The following PRKN variants were observed in gnomAD, a reference collection of about 807,000 sequenced individuals.
The protein encoded by PRKN is E3 ubiquitin-protein ligase parkin.
PRKN carries 56 observed loss-of-function variants against 59.5 expected under a neutral mutation model. The ratio of observed to expected loss-of-function variants is 0.94; its 90% confidence interval spans 0.76 to 1.18. The LOEUF (loss-of-function observed/expected upper bound fraction) is 1.18, where lower values mean the gene tolerates loss of function less well. PRKN is among the 50% of genes most tolerant of loss of function. The probability of loss-of-function intolerance (pLI) is 0.00; values close to 1 mark genes in which losing one functional copy is unlikely to be tolerated. For missense variants in PRKN, 657 were observed against 596.4 expected, an observed-to-expected ratio of 1.10 and a Z score of -1.06; for synonymous variants, 250 against 222.1, an observed-to-expected ratio of 1.13 and a Z score of -1.12.
At chr6:161,490,881 T>C (rs1777531171) in intron 9 of PRKN, among the ~76,000 whole-genome samples, 1 of 152,014 alleles carries the variant, frequency 6.6e-6, no homozygotes, top group Non-Finnish European at 1.5e-5. Flanking sequence ...TGTTTAAAAG[T>C]GTGGTATCTC....
At chr6:162,270,581 A>G (rs1254783370) in intron 2 of PRKN, 1 of 152,194 alleles carries the variant, frequency 6.6e-6, no homozygotes, top group Non-Finnish European at 1.5e-5. Flanking sequence ...AAGACTGAAC[A>G]TTTCTGATTT....
chr6:161,505,912 TGTTTTG>T (rs1212191978), intron 9 of PRKN, among the ~76,000 whole-genome samples: 4 of 151,550 alleles, frequency 2.6e-5, no homozygotes, highest in African/African-American at 9.7e-5. Context: ...AGTACCATGC[TGTTTTG>T]GTTACTGTAG....
At chr6:162,418,432 G>A (rs1054758079) in intron 2 of PRKN, among the ~76,000 whole-genome samples, 4 of 151,976 alleles carry the variant, frequency 2.6e-5, no homozygotes, top group Non-Finnish European at 4.4e-5. Context: ...GAGTGAAAAC[G>A]CTCCCAAGAT....
At position 161,525,513 on chromosome 6, in the gene PRKN, T is replaced by A. The variant is rs972577310; in HGVS notation, c.1083+23341A>T. 3.3e-5 allele frequency among the ~76,000 whole-genome samples: 5 copies of A among 152,136 alleles called. No individual in the cohort carries two copies. Among genetic ancestry groups the A allele is most frequent in the African/African-American group, 9.7e-5 (4 of 41,430 alleles). On this transcript the variant is annotated intron_variant, in intron 9 of 11. Transcript: ENST00000366898. The surrounding 1 kb of genome is among the most constrained non-coding windows in gnomAD (Gnocchi z 4.7). Reference sequence around the variant, plus strand: ...GGAGCAGGAGAACTGTGGTGCTGCATGAATTTAAGGGATGTTTTTATTATA... The same window carrying A: ...GGAGCAGGAGAACTGTGGTGCTGCAAGAATTTAAGGGATGTTTTTATTATA...
rs542547740 is a variant in PRKN, at chr6:162,370,419, C to T, written c.171+72891G>A. On this transcript the variant is annotated intron_variant, in intron 2 of 11. Coordinates refer to ENST00000366898, the MANE Select transcript of PRKN (RefSeq NM_004562.3). Reference sequence around the variant, plus strand: ...AAACCAAGGATGTTGTATAAATATTCGTCCTTGTGTCACTATTTTATTGGC... The same window carrying T: ...AAACCAAGGATGTTGTATAAATATTTGTCCTTGTGTCACTATTTTATTGGC... 3.0e-4 allele frequency among the ~76,000 whole-genome samples: 46 copies of T among 152,236 alleles called. No individual in the cohort carries two copies. In the South Asian group the frequency reaches 8.5e-3, roughly 28 times the overall value.
At chr6:161,796,520 T>C (rs990845240) in intron 6 of PRKN, among the ~76,000 whole-genome samples, 6 of 152,136 alleles carry the variant, frequency 3.9e-5, no homozygotes, top group Non-Finnish European at 8.8e-5. Flanking sequence ...AATTGTTGCG[T>C]GTAAAAAGAA....
At chr6:162,425,586 C>T (rs575863060) in intron 2 of PRKN, among the ~76,000 whole-genome samples, 1 of 152,262 alleles carries the variant, frequency 6.6e-6, no homozygotes, top group South Asian at 2.1e-4. Context: ...AATGAAATAT[C>T]CATTCTTTGA....
chr6:162,697,625 C>G (rs536118633), intron 1 of PRKN, among the ~76,000 whole-genome samples: 1 of 151,986 alleles, frequency 6.6e-6, no homozygotes, highest in Non-Finnish European at 1.5e-5. Context: ...TATGCTATGG[C>G]GTCAAAAGTT....
chr6:161,404,095 G>C (rs1787162646), intron 9 of PRKN, among the ~76,000 whole-genome samples: 1 of 152,072 alleles, frequency 6.6e-6, no homozygotes, highest in Admixed American at 6.6e-5. Context: ...CCCCAGGCCT[G>C]GGTTTGCTGT....
intron 6 of PRKN, among the ~76,000 whole-genome samples, chr6:161,958,187 T>C (rs1450411061): frequency 6.6e-6 from 1 of 152,208 alleles, no homozygotes; most frequent in Non-Finnish European, 1.5e-5. Flanking sequence ...CTTGCATTTA[T>C]TTTAAAAACT....
At chr6:162,704,635 T>C (rs1012988760) in intron 1 of PRKN, among the ~76,000 whole-genome samples, 1 of 152,196 alleles carries the variant, frequency 6.6e-6, no homozygotes, top group African/African-American at 2.4e-5. Context: ...TTTTAGTTAA[T>C]GTTACAATTT....
At chr6:161,745,148 G>T (rs146101858) in intron 7 of PRKN, among the ~76,000 whole-genome samples, 1 of 152,296 alleles carries the variant, frequency 6.6e-6, no homozygotes. Context: ...CTATAATATA[G>T]AAGTTACATT....
intron 9 of PRKN, among the ~76,000 whole-genome samples, chr6:161,464,939 T>C (rs1432463312): frequency 6.6e-6 from 1 of 152,200 alleles, no homozygotes; most frequent in Non-Finnish European, 1.5e-5. Context: ...AAATATCTCC[T>C]TGGAAGCCTT....
Position 161,448,785 on chromosome 6 carries a change from C to G in PRKN, c.1084-61908G>C, listed in dbSNP as rs1789603788. On this transcript the variant is annotated intron_variant, in intron 9 of 11. Coordinates refer to ENST00000366898, the MANE Select transcript of PRKN (RefSeq NM_004562.3). The surrounding 1 kb of genome is among the most constrained non-coding windows in gnomAD (Gnocchi z 5.1). ...ACAGGAGCATTAGCTGTTCCTCTACCCTTTCGTTTCTTTGCTGGACAATCC... is the reference window on the plus strand; with the variant it reads ...ACAGGAGCATTAGCTGTTCCTCTACGCTTTCGTTTCTTTGCTGGACAATCC... Among the ~76,000 whole-genome samples the G allele has an allele frequency of 6.6e-6, 1 of 152,190 alleles. No homozygotes were observed. Among genetic ancestry groups the G allele is most frequent in the African/African-American group, 2.4e-5 (1 of 41,450 alleles).
intron 7 of PRKN, among the ~76,000 whole-genome samples, chr6:161,721,627 G>T (rs746195540): frequency 5.3e-5 from 8 of 152,198 alleles, no homozygotes; most frequent in Admixed American, 4.6e-4. Context: ...TGGATTTTAT[G>T]GACGCACCTG....
At chr6:162,482,823 A>G (rs1419769548) in intron 1 of PRKN, among the ~76,000 whole-genome samples, 2 of 152,212 alleles carry the variant, frequency 1.3e-5, no homozygotes, top group Non-Finnish European at 2.9e-5. Flanking sequence ...CTTAGAGATC[A>G]TCTTGTCCAA....
intron 7 of PRKN, among the ~76,000 whole-genome samples, chr6:161,600,092 A>T (rs1205465841): frequency 1.3e-5 from 2 of 152,184 alleles, no homozygotes; most frequent in East Asian, 3.8e-4. Flanking sequence ...ATTTTCTTAG[A>T]AAAGCTCTGG....
intron 6 of PRKN, among the ~76,000 whole-genome samples, chr6:161,820,467 GTTTATATGTTTATAAATA>G (rs1791974813): frequency 6.8e-6 from 1 of 147,818 alleles, no homozygotes; most frequent in Admixed American, 6.8e-5. Flanking sequence ...TAATGTTAAA[GTTTATATGTTTATAAATA>G]TTTATATAAT....
chr6:161,969,883 CAA>C (rs1780735323), intron 6 of PRKN, among the ~76,000 whole-genome samples: 1 of 152,054 alleles, frequency 6.6e-6, no homozygotes, highest in Non-Finnish European at 1.5e-5. Context: ...TCTCACCCTT[CAA>C]AGAGTCTGCG....
Sources: gnomAD v4.1 joint callset for allele counts (sites outside exome capture counted in the v4.1 genomes callset) on GRCh38, gnomAD v4.1.1 for gene constraint, Gnocchi (gnomAD v3.1) non-coding constraint, MANE v1.5 for transcripts, NCBI Gene and HGNC (gene_info 2026-07-23, HGNC 2026-07-21) for gene names.